The following POLN variants were observed in gnomAD, a reference collection of about 807,000 sequenced individuals.
The protein encoded by POLN is DNA polymerase N.
A neutral mutation model predicts 113.5 loss-of-function variants in POLN; 108 were observed. That is an observed-to-expected ratio of 0.95 (90% confidence interval 0.81 to 1.12). The LOEUF (loss-of-function observed/expected upper bound fraction) is 1.12, where lower values mean the gene tolerates loss of function less well. POLN is among the 50% of genes most tolerant of loss of function. The probability of loss-of-function intolerance (pLI) is 0.00; values close to 1 mark genes in which losing one functional copy is unlikely to be tolerated. For missense variants in POLN, 1,097 were observed against 1,077.1 expected (o/e 1.02, Z -0.26); for synonymous variants, 386 against 391.5 (o/e 0.99, Z 0.17).
intron 25 of POLN, 91 bp downstream of exon 25, chr4:2,072,877 C>T (rs889732566): frequency 5.8e-6 from 8 of 1,382,022 alleles, no homozygotes; most frequent in Admixed American, 5.1e-5. Flanking sequence ...GCTGGGGCTG[C>T]ACCCTTTGGC....
intron 18 of POLN, among the ~76,000 whole-genome samples, chr4:2,128,591 G>C (rs1028075189): frequency 1.3e-5 from 2 of 152,230 alleles, no homozygotes; most frequent in Non-Finnish European, 2.9e-5. Flanking sequence ...GCCTGGGCAA[G>C]GGCCTGGAGT....
chr4:2,182,771 T>C lies in POLN; in HGVS notation c.1022-3306A>G, dbSNP rs552422882. Among the ~76,000 whole-genome samples, 144 of 151,810 alleles carry C rather than the reference T, an allele frequency of 9.5e-4. No individual in the cohort carries two copies. In the South Asian group the frequency reaches 0.028, roughly 30 times the overall value. ...TTGGATTAAACAATAGTTTCTTAGA[T>C]TTGACACCAAAAACACAAATAACAA... On this transcript the variant is annotated intron_variant, in intron 7 of 25. Coordinates refer to ENST00000511885, the MANE Select transcript of POLN (RefSeq NM_181808.4).
chr4:2,217,190 G>T (rs1016362075), intron 3 of POLN, among the ~76,000 whole-genome samples: 23 of 152,196 alleles, frequency 1.5e-4, no homozygotes, highest in Admixed American at 1.5e-3. Context: ...AGTTCCAAAT[G>T]TGTTAACACT....
intron 20 of POLN, among the ~76,000 whole-genome samples, chr4:2,087,010 A>T (rs961100615): frequency 6.6e-6 from 1 of 152,252 alleles, no homozygotes; most frequent in Non-Finnish European, 1.5e-5. Flanking sequence ...CTGATGGTGT[A>T]GCAGCTCTGG....
At chr4:2,088,844 TA>T in intron 20 of POLN, 1 of 1,471,812 alleles carries the variant, frequency 6.8e-7, no homozygotes, top group South Asian at 1.3e-5. Context: ...TTGTCTACTA[TA>T]AAGAAAAGTC....
Position 2,128,113 on chromosome 4 carries a change from C to T in POLN, c.1982G>A (p.Trp661Ter). 1 of 1,565,304 alleles carries T rather than the reference C, an allele frequency of 6.4e-7. No homozygotes were observed. Among genetic ancestry groups the T allele is most frequent in the South Asian group, 1.1e-5 (1 of 89,928 alleles). Residue 661 changes from tryptophan to a stop codon, truncating the protein, a stop_gained and splice_region_variant, in exon 19 of 26, where the codon TGG (tryptophan) becomes TAG (stop). Transcript: ENST00000511885. LOFTEE classifies it high-confidence loss of function. ...DDVFSTLTSQ[W>*]KDVPVEQVTH... Reference sequence around the variant, plus strand: ...AATATTGTGAGTTCATATATCTTACCACTGTGAAGTCAGAGTAGAAAATAC... The same window carrying T: ...AATATTGTGAGTTCATATATCTTACTACTGTGAAGTCAGAGTAGAAAATAC...
chr4:2,222,453 CCTGAGGTCCGGAGG>C (rs1734282331), intron 3 of POLN, among the ~76,000 whole-genome samples: 1 of 152,022 alleles, frequency 6.6e-6, no homozygotes, highest in South Asian at 2.1e-4. Context: ...AGAAGAATCA[CCTGAGGTCCGGAGG>C]CGGAGGTTAA....
At chr4:2,156,896 A>G (rs375241077) in intron 15 of POLN, 43 bp from the exon 16 acceptor site, 6 of 1,500,642 alleles carry the variant, frequency 4.0e-6, no homozygotes, top group Non-Finnish European at 5.6e-6. Context: ...CAGCAATGCT[A>G]TGTGAAGTTA....
At chr4:2,080,038 C>T (rs1464670290) in intron 23 of POLN, 1 of 985,294 alleles carries the variant, frequency 1.0e-6, no homozygotes, top group African/African-American at 1.7e-5. Context: ...AGCTTGAGGG[C>T]TCTTAGGGTG....
chr4:2,212,580 C>T (rs866905548), intron 4 of POLN, among the ~76,000 whole-genome samples: 11 of 151,166 alleles, frequency 7.3e-5, no homozygotes, highest in Middle Eastern at 3.4e-3. Context: ...GAGACAGGGT[C>T]TCCTTATGTT....
chr4:2,210,923 T>TAATA (rs4030453), intron 4 of POLN, among the ~76,000 whole-genome samples: 34,820 of 134,260 alleles, frequency 0.26, 4,781 homozygotes, highest in Non-Finnish European at 0.28. Flanking sequence ...TCTCAAAACA[T>TAATA]AATAAATAAA....
chr4:2,231,688 T>C lies in POLN; in HGVS notation c.-12-2445A>G, dbSNP rs988645434. On this transcript the variant is annotated intron_variant, in intron 2 of 25. Transcript: ENST00000511885. Reference sequence around the variant, plus strand: ...TATTTGCATTATGTAATAATGCTTTTTCCCTGTAAGTAAAAAATTACCAGG... The same window carrying C: ...TATTTGCATTATGTAATAATGCTTTCTCCCTGTAAGTAAAAAATTACCAGG... The C allele has an allele frequency of 2.6e-5, 8 of 303,346 alleles. No individual in the cohort carries two copies. In the Admixed American group the frequency reaches 4.2e-4, roughly 16 times the overall value. The allele number at this position is 303,346 out of a possible 1,614,324, so 18.8% of individuals were successfully genotyped here. A position where few individuals can be genotyped will look rare whatever the true frequency, so the allele number is the denominator to read the frequency against.
At position 2,208,017 on chromosome 4, in the gene POLN, A is replaced by C. The variant is rs529791485; in HGVS notation, c.684T>G (p.Thr228=). 6.2e-7 allele frequency: 1 copy of C among 1,612,486 alleles called. No homozygotes were observed. The highest frequency in any genetic ancestry group is 8.5e-7 in the Non-Finnish European group (1 of 1,179,540). The change falls in exon 5 of 26, where the codon ACT becomes ACG. Residue 228 remains threonine (T), a synonymous_variant. Transcript: ENST00000511885. ...CAGCTCCTAGCTGGGTGGAACCATC[A>C]GTATACATCACAGTTATCACCAGGG... ...AAALVITVMY[T]DGSTQLGADQ...
At chr4:2,137,861 CA>C (rs1171966700) in intron 16 of POLN, among the ~76,000 whole-genome samples, 1 of 152,090 alleles carries the variant, frequency 6.6e-6, no homozygotes, top group Non-Finnish European at 1.5e-5. Flanking sequence ...GGTGGGGGAA[CA>C]GAGTCTTACT....
chr4:2,143,323 CAG>C (rs757668461), intron 16 of POLN, among the ~76,000 whole-genome samples: 37 of 151,904 alleles, frequency 2.4e-4, no homozygotes, highest in Non-Finnish European at 7.4e-5. Flanking sequence ...AAAGAAAAAA[CAG>C]AGAAGACACA....
At position 2,093,708 on chromosome 4, in the gene POLN, G is replaced by A. The variant is rs1000470071; in HGVS notation, c.2065+2143C>T. 3.3e-5 allele frequency among the ~76,000 whole-genome samples: 5 copies of A among 152,204 alleles called. No homozygotes were observed. In the East Asian group the frequency reaches 9.6e-4, roughly 29 times the overall value. On this transcript the variant is annotated intron_variant, in intron 20 of 25. Transcript: ENST00000511885. This position sits in a 1 kb window ranked among gnomAD's most constrained non-coding sequence, Gnocchi z 4.1. ...AGGTTCAGGGGTGCAGCACAGAAGA[G>A]GCTGAGAGGAGGCAGTGGACCAAGC...
intron 7 of POLN, among the ~76,000 whole-genome samples, chr4:2,189,758 C>T (rs527888214): frequency 4.6e-5 from 7 of 151,686 alleles, no homozygotes; most frequent in Middle Eastern, 3.4e-3. Context: ...AGGCCAGGCG[C>T]GGTGGCTCAC....
intron 9 of POLN, 67 bp downstream of exon 9, chr4:2,176,199 C>A: frequency 7.9e-7 from 1 of 1,271,350 alleles, no homozygotes. Flanking sequence ...CCTGGGAGTG[C>A]GGGTGCCAAT....
chr4:2,209,569 C>G (rs1733938161), intron 4 of POLN, among the ~76,000 whole-genome samples: 1 of 151,018 alleles, frequency 6.6e-6, no homozygotes, highest in Admixed American at 6.6e-5. Flanking sequence ...GATCCACAAA[C>G]TAATCAAGGT....
Sources: allele counts gnomAD v4.1 joint callset (sites outside exome capture counted in the v4.1 genomes callset), GRCh38; gene constraint gnomAD v4.1.1; non-coding constraint Gnocchi (gnomAD v3.1); transcripts MANE v1.5; gene names NCBI Gene and HGNC (gene_info 2026-07-23, HGNC 2026-07-21).